NOTCH2: variants seen among roughly 807,000 people sequenced by gnomAD.
The protein encoded by NOTCH2 is notch receptor 2, also known as neurogenic locus notch homolog protein 2.
NOTCH2 carries 29 observed loss-of-function variants against 235.8 expected under a neutral mutation model. The observed-to-expected ratio is 0.12, with a 90% confidence interval of 0.09 to 0.17. NOTCH2 has a LOEUF of 0.17. Ranked by LOEUF, NOTCH2 falls within the 10% of genes least tolerant of loss-of-function variation. The pLI, the probability that NOTCH2 is intolerant of heterozygous loss-of-function variation, is 1.00. For missense variants in NOTCH2, 2,285 were observed against 3,150.2 expected (o/e 0.73, Z 6.57); for synonymous variants, 1,086 against 1,141.5 (o/e 0.95, Z 0.98).
At chr1:119,946,934 G>A (rs1553197098) in intron 17 of NOTCH2, among the ~76,000 whole-genome samples, 1 of 152,076 alleles carries the variant, frequency 6.6e-6, no homozygotes, top group African/African-American at 2.4e-5. Context: ...ACTATCTAGA[G>A]GCTAACCTAC....
chr1:119,959,522 G>T lies in NOTCH2; in HGVS notation c.1916-20C>A. The T allele has an allele frequency of 7.7e-7, 1 of 1,300,882 alleles. No homozygotes were observed. Among genetic ancestry groups the T allele is most frequent in the African/African-American group, 1.4e-5 (1 of 69,166 alleles). The allele number at this position is 1,300,882 out of a possible 1,614,324, so 80.6% of individuals were successfully genotyped here. A position where few individuals can be genotyped will look rare whatever the true frequency, so the allele number is the denominator to read the frequency against. ...TAACCCCTGGAAGAGAAAACCCAAC[G>T]GAAACCATTCAATGTTACCACAGAA... On this transcript the variant is annotated intron_variant, in intron 11 of 33. Coordinates refer to ENST00000256646, the MANE Select transcript of NOTCH2 (RefSeq NM_024408.4).
Position 120,040,834 on chromosome 1 carries a change from G to A in NOTCH2, c.74-10847C>T, listed in dbSNP as rs587701847. ...GGGCGGATCACGAGGTCAGGAGATC[G>A]AGACCATCCTGGCTAACACGGTGAA... On this transcript the variant is annotated intron_variant, in intron 1 of 33. Transcript: ENST00000256646. Among the ~76,000 whole-genome samples the A allele has an allele frequency of 6.7e-5, 10 of 149,848 alleles. No individual in the cohort carries two copies. The East Asian group carries it at 7.8e-4, about 12-fold the overall frequency.
At chr1:119,973,361 T>C (rs1174987771) in intron 5 of NOTCH2, among the ~76,000 whole-genome samples, 1 of 145,732 alleles carries the variant, frequency 6.9e-6, no homozygotes, top group Non-Finnish European at 1.5e-5. Context: ...TGCTATGATA[T>C]AACAACTCCC....
chr1:120,015,965 G>A (rs1201004880), intron 2 of NOTCH2, among the ~76,000 whole-genome samples: 5 of 129,156 alleles, frequency 3.9e-5, no homozygotes, highest in African/African-American at 8.7e-5. Context: ...AAAAAAAAAA[G>A]AAAGAAAAAA....
chr1:119,966,459 A>T lies in NOTCH2; in HGVS notation c.1484T>A (p.Ile495Lys). 6.2e-7 allele frequency: 1 copy of T among 1,613,880 alleles called. No individual in the cohort carries two copies. The highest frequency in any genetic ancestry group is 8.5e-7 in the Non-Finnish European group (1 of 1,179,784). ...ACAAGGGTTGCTCTGACATTCATTT[A>T]TTTCTAATTCACAATGCACACCTTT... ...GFKGVHCELE[I>K]NECQSNPCVN... is the part of the protein sequence containing the mutation. The change falls in exon 9 of 34, where the codon ATA becomes AAA. Residue 495 changes from isoleucine (I) to lysine (K), a missense_variant. Coordinates refer to ENST00000256646, the MANE Select transcript of NOTCH2 (RefSeq NM_024408.4).
intron 21 of NOTCH2, among the ~76,000 whole-genome samples, chr1:119,935,889 G>T (rs1649831588): frequency 6.6e-6 from 1 of 152,200 alleles, no homozygotes; most frequent in East Asian, 1.9e-4. Flanking sequence ...TGACTTGTGT[G>T]CAAACCTTTT....
At chr1:119,939,561 GA>G (rs1370527693) in intron 19 of NOTCH2, among the ~76,000 whole-genome samples, 1 of 152,152 alleles carries the variant, frequency 6.6e-6, no homozygotes, top group Non-Finnish European at 1.5e-5. Flanking sequence ...TATTTCTAAG[GA>G]AGGCAATCAG....
intron 7 of NOTCH2, 76 bp from the exon 8 acceptor site, chr1:119,967,697 G>T: frequency 7.8e-7 from 1 of 1,278,012 alleles, no homozygotes; most frequent in Non-Finnish European, 1.1e-6. Context: ...AAGAGCATCT[G>T]ATGGTTATAG....
intron 2 of NOTCH2, among the ~76,000 whole-genome samples, chr1:120,008,784 G>A (rs1291144282): frequency 1.3e-5 from 2 of 152,196 alleles, no homozygotes; most frequent in African/African-American, 4.8e-5. Flanking sequence ...ACAACAATTA[G>A]TAAATGCCTA....
intron 1 of NOTCH2, among the ~76,000 whole-genome samples, chr1:120,064,707 T>C (rs2799239): frequency 0.035 from 3,918 of 111,874 alleles, 67 homozygotes; most frequent in African/African-American, 0.1. Context: ...TCATATTTCA[T>C]CTTTAGTTTT....
At chr1:119,988,583 C>T (rs1488696629) in intron 4 of NOTCH2, among the ~76,000 whole-genome samples, 5 of 152,180 alleles carry the variant, frequency 3.3e-5, no homozygotes, top group Admixed American at 3.3e-4. Flanking sequence ...CCCACCCCTA[C>T]AGAATCTATG....
At chr1:119,983,076 G>C (rs868959872) in intron 5 of NOTCH2, among the ~76,000 whole-genome samples, 1 of 152,130 alleles carries the variant, frequency 6.6e-6, no homozygotes, top group Middle Eastern at 3.4e-3. Flanking sequence ...ATGGTAAAAA[G>C]GAATAGGGGA....
chr1:120,003,477 GAAAAATTAATATA>G (rs1652845658), intron 3 of NOTCH2, among the ~76,000 whole-genome samples: 2 of 151,546 alleles, frequency 1.3e-5, no homozygotes, highest in East Asian at 3.9e-4. Flanking sequence ...CTAATACAAT[GAAAAATTAATATA>G]ACAGTATTCT....
At chr1:119,920,882 G>A (rs1342429836) in intron 29 of NOTCH2, among the ~76,000 whole-genome samples, 1 of 152,170 alleles carries the variant, frequency 6.6e-6, no homozygotes, top group Non-Finnish European at 1.5e-5. Flanking sequence ...CCAACATGTA[G>A]TAAGCACTCA....
chr1:119,934,678 C>G (rs587772557), intron 22 of NOTCH2, among the ~76,000 whole-genome samples: 3 of 152,286 alleles, frequency 2.0e-5, no homozygotes, highest in African/African-American at 7.2e-5. Context: ...AGCTCTAAGG[C>G]AATACAAATA....
chr1:120,010,109 T>A (rs1653126836), intron 2 of NOTCH2, among the ~76,000 whole-genome samples: 1 of 151,928 alleles, frequency 6.6e-6, no homozygotes, highest in Non-Finnish European at 1.5e-5. Context: ...TTAAAGTAAC[T>A]TCATCTCTTT....
chr1:119,948,088 A>G (rs1463937308), intron 17 of NOTCH2, among the ~76,000 whole-genome samples: 2 of 152,194 alleles, frequency 1.3e-5, no homozygotes. Context: ...AAATGTGCCA[A>G]ATTGTACACT....
chr1:120,000,096 T>G (rs1224977091), intron 3 of NOTCH2, among the ~76,000 whole-genome samples: 5 of 152,120 alleles, frequency 3.3e-5, no homozygotes, highest in African/African-American at 1.2e-4. Context: ...GTATAGGCAC[T>G]AACTTGCTGC....
intron 3 of NOTCH2, among the ~76,000 whole-genome samples, chr1:119,999,619 T>C (rs2101219994): frequency 6.6e-6 from 1 of 152,020 alleles, no homozygotes; most frequent in South Asian, 2.1e-4. Flanking sequence ...TGGTGGCTGA[T>C]GCCTGTAATC....
Sources: gnomAD v4.1 joint callset for allele counts (sites outside exome capture counted in the v4.1 genomes callset) on GRCh38, gnomAD v4.1.1 for gene constraint, MANE v1.5 for transcripts, NCBI Gene and HGNC (gene_info 2026-07-23, HGNC 2026-07-21) for gene names.